Variants in PLCB1 observed in about 807,000 individuals in gnomAD.
PLCB1 encodes the protein phospholipase C beta 1.
In PLCB1, 46 loss-of-function variants were observed where a neutral mutation model predicts 161.8. The ratio of observed to expected loss-of-function variants is 0.28; its 90% CI spans 0.22 to 0.36. The LOEUF is 0.36. PLCB1 is among the 10% of genes least tolerant of loss of function. The pLI is 1.00. For missense variants in PLCB1, 1,016 were observed against 1,472.5 expected (o/e 0.69, Z 5.07); for synonymous variants, 517 against 503.7 (o/e 1.03, Z -0.35).
intron 2 of PLCB1, among the ~76,000 whole-genome samples, chr20:8,174,924 A>G (rs2051767250): frequency 6.6e-6 from 1 of 151,880 alleles, no homozygotes; most frequent in African/African-American, 2.4e-5. Flanking sequence ...AATAAAAAAG[A>G]TGGGTGTGGT....
intron 2 of PLCB1, among the ~76,000 whole-genome samples, chr20:8,265,204 T>C (rs1981895482): frequency 1.3e-5 from 2 of 152,252 alleles, no homozygotes; most frequent in East Asian, 3.9e-4. Flanking sequence ...AATCTTCTCC[T>C]CCATAAAATG....
intron 17 of PLCB1, among the ~76,000 whole-genome samples, chr20:8,728,427 G>A (rs1980057632): frequency 6.6e-6 from 1 of 151,964 alleles, no homozygotes; most frequent in Non-Finnish European, 1.5e-5. Context: ...ATAATGATAG[G>A]AACCAAAATA....
intron 26 of PLCB1, among the ~76,000 whole-genome samples, chr20:8,774,027 T>C (rs982683131): frequency 6.8e-6 from 1 of 148,018 alleles, no homozygotes; most frequent in African/African-American, 2.6e-5. Context: ...GCCAGGAGGG[T>C]TATCTGCACA....
At chr20:8,480,184 C>G (rs1254494545) in intron 3 of PLCB1, among the ~76,000 whole-genome samples, 2 of 152,166 alleles carry the variant, frequency 1.3e-5, no homozygotes, top group Admixed American at 6.5e-5. Context: ...CCAGAAGATT[C>G]TGCAAGCATG....
intron 3 of PLCB1, among the ~76,000 whole-genome samples, chr20:8,438,053 T>G (rs1980387961): frequency 6.6e-6 from 1 of 152,172 alleles, no homozygotes; most frequent in Admixed American, 6.5e-5. Flanking sequence ...CTTTTAAAAT[T>G]TATATCTTCA....
chr20:8,409,456 A>ATTATTG (rs1978941728), intron 3 of PLCB1, among the ~76,000 whole-genome samples: 1 of 150,478 alleles, frequency 6.6e-6, no homozygotes, highest in East Asian at 1.9e-4. Context: ...TATTATTATT[A>ATTATTG]TTATTATTGT....
At chr20:8,447,985 T>A (rs1377057176) in intron 3 of PLCB1, among the ~76,000 whole-genome samples, 1 of 152,264 alleles carries the variant, frequency 6.6e-6, no homozygotes, top group East Asian at 1.9e-4. Flanking sequence ...GCAAAGGTCC[T>A]GAGACACATT....
chr20:8,679,905 G>C (rs1387055137), intron 9 of PLCB1, among the ~76,000 whole-genome samples: 1 of 152,044 alleles, frequency 6.6e-6, no homozygotes, highest in Non-Finnish European at 1.5e-5. Context: ...CTCAAATGTG[G>C]GACATTTTGT....
intron 2 of PLCB1, among the ~76,000 whole-genome samples, chr20:8,205,324 C>T (rs1403094346): frequency 6.6e-6 from 1 of 152,096 alleles, no homozygotes; most frequent in African/African-American, 2.4e-5. Context: ...CTGTGAAATA[C>T]TTATACAAAA....
chr20:8,831,963 T>G, intron 31 of PLCB1, among the ~76,000 whole-genome samples: 1 of 99,120 alleles, frequency 1.0e-5, no homozygotes, highest in East Asian at 2.8e-4. Context: ...TCTTTCTTTC[T>G]TTCTTTCTTT....
intron 3 of PLCB1, among the ~76,000 whole-genome samples, chr20:8,434,954 A>G (rs1848388164): frequency 6.6e-6 from 1 of 152,230 alleles, no homozygotes. Flanking sequence ...TCATGCACGT[A>G]GACAATCACA....
At chr20:8,581,369 G>A (rs574597139) in intron 3 of PLCB1, among the ~76,000 whole-genome samples, 3 of 152,092 alleles carry the variant, frequency 2.0e-5, no homozygotes, top group Non-Finnish European at 4.4e-5. Flanking sequence ...GTGACTTGGC[G>A]ACCATTTGGA....
intron 3 of PLCB1, among the ~76,000 whole-genome samples, chr20:8,551,090 C>T (rs1346846890): frequency 6.6e-6 from 1 of 152,136 alleles, no homozygotes; most frequent in East Asian, 1.9e-4. Flanking sequence ...TTTCATAAGA[C>T]ATGAATGACT....
chr20:8,411,017 T>G (rs902533078), intron 3 of PLCB1, among the ~76,000 whole-genome samples: 5 of 152,212 alleles, frequency 3.3e-5, no homozygotes, highest in Non-Finnish European at 1.5e-5. Flanking sequence ...ACTTTTGATC[T>G]CCAAAACTTT....
intron 3 of PLCB1, among the ~76,000 whole-genome samples, chr20:8,455,443 T>C (rs28694315): frequency 7.6e-6 from 1 of 131,832 alleles, no homozygotes; most frequent in Admixed American, 7.5e-5. Context: ...TTTTTTTTTT[T>C]TTTTTTTTTT....
At chr20:8,415,424 C>T (rs535260167) in intron 3 of PLCB1, among the ~76,000 whole-genome samples, 13 of 152,250 alleles carry the variant, frequency 8.5e-5, no homozygotes, top group African/African-American at 3.1e-4. Flanking sequence ...GCATTTGGCC[C>T]CTTTCCATAG....
chr20:8,228,519 C>T (rs984278763), intron 2 of PLCB1, among the ~76,000 whole-genome samples: 3 of 151,888 alleles, frequency 2.0e-5, no homozygotes, highest in Non-Finnish European at 4.4e-5. Flanking sequence ...TGTTTTGTTT[C>T]GTTTCTGAGA....
chr20:8,685,570 CAAA>C (rs72078385), intron 10 of PLCB1, among the ~76,000 whole-genome samples: 1 of 121,614 alleles, frequency 8.2e-6, no homozygotes. Context: ...ACTAAAAATA[CAAA>C]AAAAAAAAAA....
intron 3 of PLCB1, among the ~76,000 whole-genome samples, chr20:8,523,496 C>CTCTCTCTCTCTCTATATATATATATA: frequency 1.7e-4 from 9 of 51,654 alleles, no homozygotes; most frequent in African/African-American, 4.1e-4. Context: ...CTCTCTCTCT[C>CTCTCTCTCTCTCTATATATATATATA]TATATATATA....
Sources: gnomAD v4.1 joint callset for allele counts (sites outside exome capture counted in the v4.1 genomes callset) on GRCh38, gnomAD v4.1.1 for gene constraint, MANE v1.5 for transcripts, NCBI Gene and HGNC (gene_info 2026-07-23, HGNC 2026-07-21) for gene names.